POC5: variants seen among roughly 807,000 people sequenced by gnomAD.
The protein encoded by POC5 is POC5 centriolar protein, also known as centrosomal protein POC5.
POC5 carries 48 observed loss-of-function variants against 62.9 expected under a neutral mutation model. The ratio of observed to expected loss-of-function variants is 0.76; its 90% CI spans 0.61 to 0.97. The LOEUF is 0.97. Ranked by LOEUF, POC5 falls within the 50% of genes least tolerant of loss-of-function variation. The probability of loss-of-function intolerance (pLI) is 0.00; values close to 1 mark genes in which losing one functional copy is unlikely to be tolerated. For missense variants in POC5, 696 were observed against 679.5 expected (o/e 1.02, Z -0.27); for synonymous variants, 236 against 228.2 (o/e 1.03, Z -0.31).
intron 1 of POC5, among the ~76,000 whole-genome samples, chr5:75,715,181 G>A (rs1777502087): frequency 1.3e-5 from 2 of 151,738 alleles, no homozygotes; most frequent in Admixed American, 1.3e-4. Flanking sequence ...GTGGTGGTGG[G>A]CGCCTGTAGT....
intron 5 of POC5, among the ~76,000 whole-genome samples, chr5:75,695,325 C>T (rs1776516405): frequency 6.6e-6 from 1 of 151,922 alleles, no homozygotes; most frequent in Admixed American, 6.6e-5. Flanking sequence ...GTTCTGTCAC[C>T]CTACTGACTG....
At chr5:75,691,760 G>C (rs1030528109) in intron 7 of POC5, among the ~76,000 whole-genome samples, 2 of 151,840 alleles carry the variant, frequency 1.3e-5, no homozygotes, top group Admixed American at 6.6e-5. Context: ...ACTATGTCTT[G>C]TTGTGGGATA....
At chr5:75,684,510 A>C (rs2112094946) in intron 10 of POC5, among the ~76,000 whole-genome samples, 1 of 151,924 alleles carries the variant, frequency 6.6e-6, no homozygotes, top group Admixed American at 6.5e-5. Context: ...GATTACAGGC[A>C]CACACCACCA....
chr5:75,691,111 T>G (rs1776314989), intron 7 of POC5, among the ~76,000 whole-genome samples: 1 of 152,240 alleles, frequency 6.6e-6, no homozygotes, highest in South Asian at 2.1e-4. Flanking sequence ...GAAGAAGTAG[T>G]TCCAATTCTC....
intron 10 of POC5, 87 bp from the exon 11 acceptor site, chr5:75,678,037 A>C: frequency 9.2e-7 from 1 of 1,082,026 alleles, no homozygotes; most frequent in Non-Finnish European, 1.2e-6. Context: ...TGAAGAATAC[A>C]CAGGCACTTA....
chr5:75,708,924 C>T (rs572201340), intron 2 of POC5, among the ~76,000 whole-genome samples: 8 of 152,190 alleles, frequency 5.3e-5, no homozygotes, highest in African/African-American at 1.9e-4. Context: ...CCTCTGCCTC[C>T]CAGGTTCAAG....
In POC5 at chr5:75,690,402, T is replaced by C. The variant is rs916293563; in HGVS notation, c.956A>G (p.Tyr319Cys). Residue 319 changes from tyrosine (Y) to cysteine (C), a missense_variant, in exon 8 of 12, where the codon TAT becomes TGT. Transcript: ENST00000428202. Reference protein sequence around the residue: ...EEVCIQISNDYEAKVAMLSGA... With the variant: ...EEVCIQISNDCEAKVAMLSGA... Reference sequence around the variant, plus strand: ...GCTTACCATAGCAACTTTGGCTTCATAATCATTGGAAATCTGGATACAAAC... The same window carrying C: ...GCTTACCATAGCAACTTTGGCTTCACAATCATTGGAAATCTGGATACAAAC... 24 of 1,610,320 alleles carry C rather than the reference T, an allele frequency of 1.5e-5. No individual in the cohort carries two copies. The highest frequency in any genetic ancestry group is 2.0e-5 in the Non-Finnish European group (23 of 1,178,550).
intron 1 of POC5, among the ~76,000 whole-genome samples, chr5:75,716,141 T>C (rs1039654609): frequency 3.3e-5 from 5 of 152,106 alleles, no homozygotes; most frequent in African/African-American, 7.2e-5. Flanking sequence ...TGGAACTAAA[T>C]TGTGGAAAGG....
Position 75,690,483 on chromosome 5 carries a change from A to C in POC5, c.875T>G (p.Val292Gly), listed in dbSNP as rs199868248. ...KKVWKVWRSV[V>G]QKQWKDVVER... ...TACCACATCTTTCCACTGCTTTTGC[A>C]CTACGGAACGCCAGACTTTCCAGAC... is the stretch of plus-strand genomic sequence containing the variant. The change falls in exon 8 of 12, where the codon GTG (valine) becomes GGG (glycine). Residue 292 changes from valine (V) to glycine (G), a missense_variant. By Grantham distance (109) the Val-to-Gly change is moderately radical. Coordinates refer to ENST00000428202, the MANE Select transcript of POC5 (RefSeq NM_001099271.2). 1 of 1,609,734 alleles carries C rather than the reference A, an allele frequency of 6.2e-7. No homozygotes were observed. Among genetic ancestry groups the C allele is most frequent in the Non-Finnish European group, 8.5e-7 (1 of 1,177,696 alleles).
chr5:75,678,508 A>G (rs1267867226), intron 10 of POC5, among the ~76,000 whole-genome samples: 1 of 152,066 alleles, frequency 6.6e-6, no homozygotes, highest in Non-Finnish European at 1.5e-5. Context: ...GGAAACCATT[A>G]ATCTGTTTTA....
chr5:75,685,259 G>A lies in POC5; in HGVS notation c.1355C>T (p.Pro452Leu). The A allele has an allele frequency of 6.2e-7, 1 of 1,614,014 alleles. No homozygotes were observed. The highest frequency in any genetic ancestry group is 8.5e-7 in the Non-Finnish European group (1 of 1,179,882). The change falls in exon 10 of 12, where the codon CCT (proline) becomes CTT (leucine). Residue 452 changes from proline (P) to leucine (L), a missense_variant. By Grantham distance (98) the Pro-to-Leu change is moderately conservative. Transcript: ENST00000428202. ...AGATCCTGCACCAAGAGCAGAAACA[G>A]GAACGTGAACAGAAGATGCGGAAGC... Reference protein sequence around the residue: ...RAASASSVHVPVSALGAGSAA... With the variant: ...RAASASSVHVLVSALGAGSAA...
chr5:75,674,599 T>C (rs1775583025), intron 11 of POC5, 21 bp from the exon 12 acceptor site: 1 of 1,611,908 alleles, frequency 6.2e-7, no homozygotes, highest in South Asian at 1.1e-5. Context: ...AAAATTCTGC[T>C]TTAATAATAT....
chr5:75,700,692 T>C (rs1776836339), intron 5 of POC5, among the ~76,000 whole-genome samples: 5 of 146,416 alleles, frequency 3.4e-5, no homozygotes, highest in Admixed American at 6.9e-5. Flanking sequence ...CCAAAAGCAA[T>C]GGCAACAAAA....
intron 5 of POC5, among the ~76,000 whole-genome samples, chr5:75,701,586 G>A (rs1454050643): frequency 8.6e-6 from 1 of 116,184 alleles, no homozygotes; most frequent in Non-Finnish European, 1.7e-5. Context: ...GGGGGGAGGG[G>A]GGAGGGATAG....
intron 3 of POC5, among the ~76,000 whole-genome samples, chr5:75,706,738 C>T (rs1777137239): frequency 6.6e-6 from 1 of 151,922 alleles, no homozygotes; most frequent in African/African-American, 2.4e-5. Context: ...TTTTGTAGAG[C>T]TAGGGTTTTG....
At chr5:75,689,819 C>A in intron 8 of POC5, 1 of 249,158 alleles carries the variant, frequency 4.0e-6, no homozygotes. Flanking sequence ...ATTTCAATTC[C>A]AAATGTTTTC....
At chr5:75,690,238 T>C in intron 8 of POC5, 145 bp downstream of exon 8, 1 of 810,494 alleles carries the variant, frequency 1.2e-6, no homozygotes, top group Non-Finnish European at 1.9e-6. Flanking sequence ...ACAATAAACA[T>C]TAAATTAACA....
chr5:75,699,918 T>C (rs376554045), intron 5 of POC5, among the ~76,000 whole-genome samples: 117 of 151,626 alleles, frequency 7.7e-4, no homozygotes, highest in Non-Finnish European at 1.3e-3. Flanking sequence ...TTCTTATACA[T>C]CAACAACAGA....
At chr5:75,680,414 G>A (rs1775823873) in intron 10 of POC5, among the ~76,000 whole-genome samples, 1 of 152,024 alleles carries the variant, frequency 6.6e-6, no homozygotes, top group Non-Finnish European at 1.5e-5. Context: ...GCTTTAGAAT[G>A]CCTTCAATAA....
Sources: allele counts gnomAD v4.1 joint callset (sites outside exome capture counted in the v4.1 genomes callset), GRCh38; gene constraint gnomAD v4.1.1; transcripts MANE v1.5; gene names NCBI Gene and HGNC (gene_info 2026-07-23, HGNC 2026-07-21).